AKT1: variants seen among roughly 807,000 people sequenced by gnomAD.
The protein encoded by AKT1 is AKT serine/threonine kinase 1, also known as RAC-alpha serine/threonine-protein kinase.
Under a neutral mutation model 63.1 loss-of-function variants are expected in AKT1, and 21 were observed. The observed-to-expected ratio is 0.33, with a 90% CI of 0.24 to 0.48. The LOEUF is 0.48. Among genes scored for constraint, AKT1 ranks in the 20% least tolerant of loss-of-function variants. The probability of loss-of-function intolerance (pLI) is 0.99; values close to 1 mark genes in which losing one functional copy is unlikely to be tolerated. For synonymous variants in AKT1, 257 were observed against 253.1 expected, an observed-to-expected ratio of 1.02 and a Z score of -0.15; for missense variants, 382 against 666.0, an observed-to-expected ratio of 0.57 and a Z score of 4.69.
chr14:104,775,640 G>A lies in AKT1; in HGVS notation c.435+12C>T, dbSNP rs1157817577. 1 of 1,613,494 alleles carries A rather than the reference G, an allele frequency of 6.2e-7. No individual in the cohort carries two copies. The highest frequency in any genetic ancestry group is 8.5e-7 in the Non-Finnish European group (1 of 1,179,708). ...AGCCCCAGGCACAGGCAGAAGTGGG[G>A]ACAGGCCTCACCACGCGGTGCTTGG... On this transcript the variant is annotated intron_variant, in intron 6 of 14. Transcript: ENST00000649815.
chr14:104,770,996 C>A (rs1016867432), intron 13 of AKT1, 149 bp from the exon 14 acceptor site: 2 of 667,406 alleles, frequency 3.0e-6, no homozygotes, highest in South Asian at 1.8e-5. Flanking sequence ...ACCAGCCCCC[C>A]ACAGAGGCAG....
intron 13 of AKT1, chr14:104,771,717 CA>C: frequency 4.3e-6 from 1 of 234,998 alleles, no homozygotes; most frequent in Admixed American, 5.5e-5. Flanking sequence ...GGGGCAGAAG[CA>C]CACCTGGTGA....
At position 104,779,712 on chromosome 14, in the gene AKT1, G is replaced by C. The variant is rs112766153; in HGVS notation, c.175+376C>G. On this transcript the variant is annotated intron_variant, in intron 4 of 14. Coordinates refer to ENST00000649815, the MANE Select transcript of AKT1 (RefSeq NM_001382430.1). ...CCTCGGGACTCAGCCCAGAGACCCCGGCCCAGCCAGCCTCGGCCTCGGGAC... is the reference window on the plus strand; with the variant it reads ...CCTCGGGACTCAGCCCAGAGACCCCCGCCCAGCCAGCCTCGGCCTCGGGAC... 7.5e-3 allele frequency among the ~76,000 whole-genome samples: 521 copies of C among 69,022 alleles called. 4 individuals carry two copies. Among genetic ancestry groups the C allele is most frequent in the African/African-American group, 0.052 (493 of 9,514 alleles). 45.3% of individuals were successfully genotyped at this position (69,022 alleles called of 152,430 possible).
intron 14 of AKT1, 91 bp from the exon 15 acceptor site, chr14:104,770,511 C>G: frequency 8.0e-7 from 1 of 1,257,538 alleles, no homozygotes; most frequent in Non-Finnish European, 1.1e-6. Context: ...CCTCTTAAAG[C>G]ACGGCCAGCA....
intron 3 of AKT1, among the ~76,000 whole-genome samples, chr14:104,783,616 G>A (rs1893189404): frequency 6.6e-6 from 1 of 151,790 alleles, no homozygotes; most frequent in South Asian, 2.1e-4. Context: ...ACTCCAGACG[G>A]GTACAGGCAG....
intron 3 of AKT1, among the ~76,000 whole-genome samples, chr14:104,784,408 G>GT (rs1236380320): frequency 6.6e-6 from 1 of 152,066 alleles, no homozygotes; most frequent in Non-Finnish European, 1.5e-5. Context: ...TGCCCGGGGG[G>GT]ACAGCGGAGA....
At chr14:104,791,820 C>T (rs1383115936) in intron 3 of AKT1, among the ~76,000 whole-genome samples, 1 of 152,226 alleles carries the variant, frequency 6.6e-6, no homozygotes, top group Non-Finnish European at 1.5e-5. Flanking sequence ...GAGGGCGGAC[C>T]GATTCCGCCT....
At chr14:104,787,376 A>C (rs562051147) in intron 3 of AKT1, among the ~76,000 whole-genome samples, 1 of 151,974 alleles carries the variant, frequency 6.6e-6, no homozygotes, top group Non-Finnish European at 1.5e-5. Context: ...AGGCCATGGG[A>C]CTAGGCACAA....
At chr14:104,792,504 C>G (rs923226354) in intron 3 of AKT1, 94 bp downstream of exon 3, 2 of 1,470,192 alleles carry the variant, frequency 1.4e-6, no homozygotes, top group Non-Finnish European at 1.9e-6. Context: ...GGAGGCAGCC[C>G]CTCCCACCCA....
intron 11 of AKT1, 57 bp downstream of exon 11, chr14:104,773,194 C>T (rs200669248): frequency 1.2e-5 from 19 of 1,612,022 alleles, no homozygotes; most frequent in South Asian, 2.2e-5. Context: ...CACAGCATTG[C>T]GTGTGCTCAG....
intron 3 of AKT1, among the ~76,000 whole-genome samples, chr14:104,783,516 C>T (rs1893182055): frequency 6.7e-6 from 1 of 150,280 alleles, no homozygotes; most frequent in East Asian, 2.0e-4. Context: ...CCAGTCACCC[C>T]CCCAACACCA....
chr14:104,770,878 A>C (rs763502372), intron 13 of AKT1, 31 bp from the exon 14 acceptor site: 5 of 1,597,644 alleles, frequency 3.1e-6, no homozygotes, highest in Non-Finnish European at 4.3e-6. Context: ...GACAGTCATG[A>C]GCTTCGCTCC....
rs532268608 is a variant in AKT1 at position 104,780,122 on chromosome 14, T to C, written c.141A>G (p.Gln47=). 38 of 1,613,534 alleles carry C rather than the reference T, an allele frequency of 2.4e-5. No individual in the cohort carries two copies. In the South Asian group the frequency reaches 4.0e-4, roughly 17 times the overall value. ...AGAAGTTGTTGAGGGGAGCCTCACGTTGGTCCACATCCTGCGGCCGCTCCT... is the reference window on the plus strand; with the variant it reads ...AGAAGTTGTTGAGGGGAGCCTCACGCTGGTCCACATCCTGCGGCCGCTCCT... ...GYKERPQDVD[Q]REAPLNNFSV... is the part of the protein sequence containing the mutation. The change falls in exon 4 of 15, where the codon CAA becomes CAG. Residue 47 remains glutamine, a synonymous_variant. Transcript: ENST00000649815.
At position 104,770,733 on chromosome 14, in the gene AKT1, G is replaced by A. The variant is rs61761248; in HGVS notation, c.1363+12C>T. Reference sequence around the variant, plus strand: ...AAAAGGGAGTGGGCGGGGGCAGGCAGTGGCCCCTCACCTTGGTCAGGTGGT... The same window carrying A: ...AAAAGGGAGTGGGCGGGGGCAGGCAATGGCCCCTCACCTTGGTCAGGTGGT... On this transcript the variant is annotated intron_variant, in intron 14 of 14. Transcript: ENST00000649815. 2.9e-4 allele frequency: 470 copies of A among 1,610,498 alleles called. 1 individual carries two copies. Among genetic ancestry groups the A allele is most frequent in the South Asian group, 6.3e-4 (57 of 90,984 alleles).
At chr14:104,781,721 T>C (rs1305537327) in intron 3 of AKT1, among the ~76,000 whole-genome samples, 1 of 151,694 alleles carries the variant, frequency 6.6e-6, no homozygotes, top group Non-Finnish European at 1.5e-5. Flanking sequence ...TGGTGGAGGG[T>C]GGGGACACCC....
intron 3 of AKT1, among the ~76,000 whole-genome samples, chr14:104,786,697 AG>A (rs1348539366): frequency 6.6e-6 from 1 of 152,052 alleles, no homozygotes; most frequent in Non-Finnish European, 1.5e-5. Flanking sequence ...CTGGGGCAGG[AG>A]GGCCCCCAGA....
intron 4 of AKT1, among the ~76,000 whole-genome samples, chr14:104,779,300 G>A (rs1020036766): frequency 1.3e-5 from 2 of 152,256 alleles, no homozygotes; most frequent in Admixed American, 6.5e-5. Context: ...TGGGCAAGGA[G>A]GCAGCCTCAC....
In AKT1 at chr14:104,773,241, G is replaced by T. The variant is rs2140904904; in HGVS notation, c.957+10C>A. ...GCAGCAACGCGTATGCACGCAGGTG[G>T]GGCGCACACCTCGGGGGCCAGGTAC... is the stretch of plus-strand genomic sequence containing the variant. On this transcript the variant is annotated intron_variant, in intron 11 of 14. Coordinates refer to ENST00000649815, the MANE Select transcript of AKT1 (RefSeq NM_001382430.1). The T allele has an allele frequency of 6.2e-7, 1 of 1,614,146 alleles. No individual in the cohort carries two copies. The highest frequency in any genetic ancestry group is 8.5e-7 in the Non-Finnish European group (1 of 1,180,000).
intron 2 of AKT1, 131 bp from the exon 3 acceptor site, chr14:104,792,853 C>T (rs1327726906): frequency 1.6e-6 from 1 of 630,324 alleles, no homozygotes; most frequent in Non-Finnish European, 2.9e-6. Context: ...GGTGGGCTGC[C>T]ATCCCTCTAA....
Sources: gnomAD v4.1 joint callset for allele counts (sites outside exome capture counted in the v4.1 genomes callset) on GRCh38, gnomAD v4.1.1 for gene constraint, MANE v1.5 for transcripts, NCBI Gene and HGNC (gene_info 2026-07-23, HGNC 2026-07-21) for gene names.